SPG21: variants seen among roughly 807,000 people sequenced by gnomAD.
SPG21 encodes SPG21 abhydrolase domain containing, maspardin, also known as maspardin.
A neutral mutation model predicts 38.9 loss-of-function variants in SPG21; 26 were observed. That is an observed-to-expected ratio of 0.67 (90% CI 0.49 to 0.93). The LOEUF is 0.93. SPG21 is among the 40% of genes least tolerant of loss of function. The pLI is 0.00. For synonymous variants in SPG21, 136 were observed against 128.9 expected (o/e 1.05, Z -0.37); for missense variants, 333 against 376.5 (o/e 0.88, Z 0.96).
chr15:64,966,274 T>C (rs1308546728), intron 7 of SPG21, among the ~76,000 whole-genome samples: 2 of 152,164 alleles, frequency 1.3e-5, no homozygotes, highest in Non-Finnish European at 2.9e-5. Context: ...CATCCTTCAA[T>C]ACCCATACAC....
intron 1 of SPG21, among the ~76,000 whole-genome samples, chr15:64,983,965 G>A (rs2085937129): frequency 6.6e-6 from 1 of 152,068 alleles, no homozygotes; most frequent in Non-Finnish European, 1.5e-5. Context: ...TGTATTTTTA[G>A]TAGGGATGGG....
intron 1 of SPG21, among the ~76,000 whole-genome samples, chr15:64,987,922 T>C (rs2086027458): frequency 6.6e-6 from 1 of 152,152 alleles, no homozygotes; most frequent in African/African-American, 2.4e-5. Flanking sequence ...TAATCCCAGC[T>C]ACGCAGGAAG....
intron 1 of SPG21, among the ~76,000 whole-genome samples, chr15:64,988,083 G>A (rs142742237): frequency 0.02 from 3,111 of 151,996 alleles, 70 homozygotes; most frequent in Non-Finnish European, 0.027. Flanking sequence ...TTAGCTGGGC[G>A]CGGTGATGGG....
intron 4 of SPG21, among the ~76,000 whole-genome samples, chr15:64,976,030 G>A (rs1429591481): frequency 1.3e-5 from 2 of 152,138 alleles, no homozygotes; most frequent in African/African-American, 4.8e-5. Context: ...CTGCAGTGAT[G>A]GTTGCACATA....
chr15:64,975,161 G>A (rs2085749588), intron 4 of SPG21, among the ~76,000 whole-genome samples: 1 of 151,862 alleles, frequency 6.6e-6, no homozygotes, highest in South Asian at 2.1e-4. Flanking sequence ...GGTGGTGCGT[G>A]CCTGTAGTCC....
intron 1 of SPG21, among the ~76,000 whole-genome samples, chr15:64,987,650 A>G (rs566302642): frequency 2.6e-5 from 4 of 152,354 alleles, no homozygotes; most frequent in Middle Eastern, 3.4e-3. Context: ...GAGCCACAAT[A>G]TTAGCCTTAA....
chr15:64,965,281 T>G (rs773223632), intron 8 of SPG21, 39 bp downstream of exon 8: 1 of 1,613,988 alleles, frequency 6.2e-7, no homozygotes, highest in African/African-American at 1.3e-5. Flanking sequence ...CAAACATATG[T>G]TGGGCTCAGA....
chr15:64,977,715 G>A (rs1265100478), intron 3 of SPG21, among the ~76,000 whole-genome samples: 1 of 151,746 alleles, frequency 6.6e-6, no homozygotes, highest in East Asian at 2.0e-4. Flanking sequence ...AAAGAAGTAT[G>A]GTACTTGACT....
chr15:64,975,220 G>A (rs8038655), intron 4 of SPG21, among the ~76,000 whole-genome samples: 51,284 of 150,054 alleles, frequency 0.34, 9,803 homozygotes, highest in East Asian at 0.56. Context: ...CCTGGCAGGC[G>A]GAGGTTGCAG....
intron 3 of SPG21, among the ~76,000 whole-genome samples, chr15:64,980,582 C>A (rs1197906945): frequency 1.3e-5 from 2 of 151,836 alleles, no homozygotes; most frequent in African/African-American, 4.8e-5. Flanking sequence ...ACTAAAAATA[C>A]AAAAAATTAG....
At chr15:64,973,029 T>C (rs766906806) in intron 5 of SPG21, among the ~76,000 whole-genome samples, 2 of 152,182 alleles carry the variant, frequency 1.3e-5, no homozygotes, top group Non-Finnish European at 2.9e-5. Context: ...AGAGGCACAG[T>C]TGTGGCTCAC....
chr15:64,976,842 T>C (rs187923392), intron 3 of SPG21, among the ~76,000 whole-genome samples: 17 of 152,308 alleles, frequency 1.1e-4, no homozygotes, highest in African/African-American at 4.1e-4. Context: ...TGAAAAAGTC[T>C]GGGGTTCAAG....
intron 5 of SPG21, among the ~76,000 whole-genome samples, chr15:64,971,696 G>A (rs2085668537): frequency 1.3e-5 from 2 of 151,350 alleles, no homozygotes; most frequent in African/African-American, 4.9e-5. Flanking sequence ...ATTAGCCAGG[G>A]GCGGTGGCCA....
intron 1 of SPG21, chr15:64,989,114 G>T: frequency 6.6e-6 from 1 of 152,046 alleles, no homozygotes; most frequent in Non-Finnish European, 1.5e-5. Context: ...AAAACGAGAA[G>T]AGGAAAAATG....
intron 1 of SPG21, chr15:64,988,498 G>A (rs1595883237): frequency 6.6e-6 from 1 of 152,194 alleles, no homozygotes; most frequent in South Asian, 2.1e-4. Flanking sequence ...TTTAATGCAC[G>A]TCTCCATCCC....
chr15:64,981,266 TTC>T (rs2085880148), intron 2 of SPG21: 1 of 466,724 alleles, frequency 2.1e-6, no homozygotes, highest in South Asian at 2.5e-5. Context: ...GGGCTGCTGC[TTC>T]TCTGTTTCTT....
chr15:64,977,228 C>A (rs2085796657), intron 3 of SPG21, among the ~76,000 whole-genome samples: 2 of 152,152 alleles, frequency 1.3e-5, no homozygotes, highest in African/African-American at 4.8e-5. Flanking sequence ...CCACACCCAG[C>A]TGATTTTTGT....
chr15:64,986,449 G>A (rs1324383813), intron 1 of SPG21, among the ~76,000 whole-genome samples: 1 of 152,090 alleles, frequency 6.6e-6, no homozygotes, highest in African/African-American at 2.4e-5. Context: ...AGTTTGGGAG[G>A]CTGAGGCAGG....
chr15:64,984,843 A>G (rs2085957926), intron 1 of SPG21, among the ~76,000 whole-genome samples: 1 of 149,496 alleles, frequency 6.7e-6, no homozygotes, highest in African/African-American at 2.5e-5. Context: ...TCCACCCTCC[A>G]AGTTCAAGCG....
Sources: gnomAD v4.1 joint callset for allele counts (sites outside exome capture counted in the v4.1 genomes callset) on GRCh38, gnomAD v4.1.1 for gene constraint, MANE v1.5 for transcripts, NCBI Gene and HGNC (gene_info 2026-07-23, HGNC 2026-07-21) for gene names.